Variants in ZNFX1 observed in about 807,000 individuals in gnomAD.
ZNFX1 encodes the protein NFX1-type zinc finger-containing protein 1.
A neutral mutation model predicts 179.8 loss-of-function variants in ZNFX1; 78 were observed. The observed-to-expected ratio is 0.43, with a 90% CI of 0.36 to 0.52. ZNFX1 has a LOEUF of 0.52. Ranked by LOEUF, ZNFX1 falls within the 20% of genes least tolerant of loss-of-function variation. The pLI is 0.00. For missense variants in ZNFX1, 1,927 were observed against 2,386.6 expected (o/e 0.81, Z 4.01); for synonymous variants, 848 against 868.5 (o/e 0.98, Z 0.42).
At chr20:49,260,286 T>C (rs1981081756) in intron 7 of ZNFX1, among the ~76,000 whole-genome samples, 177 bp downstream of exon 7, 1 of 87,716 alleles carries the variant, frequency 1.1e-5, no homozygotes, top group African/African-American at 3.4e-5. Context: ...TGAAACTCCA[T>C]CTCAAAAAAA....
chr20:49,276,089 G>C (rs973923804), intron 1 of ZNFX1, among the ~76,000 whole-genome samples: 1 of 152,224 alleles, frequency 6.6e-6, no homozygotes, highest in African/African-American at 2.4e-5. Flanking sequence ...TCACAATTTA[G>C]CTGATTTCAA....
chr20:49,265,886 G>A, intron 4 of ZNFX1, among the ~76,000 whole-genome samples: 1 of 152,220 alleles, frequency 6.6e-6, no homozygotes, highest in Non-Finnish European at 1.5e-5. Context: ...CCAGAGGATG[G>A]CATGGGCCAA....
At position 49,248,774 on chromosome 20, in the gene ZNFX1, C is replaced by T. The variant is rs748854329; in HGVS notation, c.4250G>A (p.Gly1417Asp). ...KCGHSQPVKC[G>D]HVEGLLYGGL... ...ACCATACAGGAGGCCTTCCACATGACCACATTTTACCGGTTGACTGTGCCC... is the reference window on the plus strand; with the variant it reads ...ACCATACAGGAGGCCTTCCACATGATCACATTTTACCGGTTGACTGTGCCC... Residue 1417 changes from glycine to aspartate, a missense_variant, in exon 14 of 14, where the codon GGT (glycine) becomes GAT (aspartate). By Grantham distance (94) the Gly-to-Asp change is moderately conservative. Transcript: ENST00000396105. This position sits in a 1 kb window ranked among gnomAD's most constrained non-coding sequence, Gnocchi z 4.6. The T allele has an allele frequency of 1.2e-6, 2 of 1,614,130 alleles. No individual in the cohort carries two copies. The highest frequency in any genetic ancestry group is 1.7e-6 in the Non-Finnish European group (2 of 1,180,046).
intron 7 of ZNFX1, 41 bp from the exon 8 acceptor site, chr20:49,257,705 T>C: frequency 1.4e-6 from 1 of 732,176 alleles, no homozygotes; most frequent in Non-Finnish European, 2.0e-6. Flanking sequence ...GAAAACTCTT[T>C]TTTTTTTTTT....
intron 3 of ZNFX1, among the ~76,000 whole-genome samples, chr20:49,267,632 C>G (rs1298461387): frequency 6.6e-6 from 1 of 152,066 alleles, no homozygotes; most frequent in Admixed American, 6.6e-5. Context: ...ATTCCCACTT[C>G]TAATAATAGT....
At position 49,248,155 on chromosome 20, in the gene ZNFX1, C is replaced by T. The variant is rs1980729211; in HGVS notation, c.4869G>A (p.Gln1623=). 7 of 1,614,058 alleles carry T rather than the reference C, an allele frequency of 4.3e-6. No individual in the cohort carries two copies. Among genetic ancestry groups the T allele is most frequent in the Admixed American group, 3.3e-5 (2 of 59,980 alleles). Residue 1623 remains glutamine, a synonymous_variant, in exon 14 of 14, where the codon CAG becomes CAA. Transcript: ENST00000396105. This position sits in a 1 kb window ranked among gnomAD's most constrained non-coding sequence, Gnocchi z 4.6. The part of the protein sequence containing the change: ...AIRLKVCPIC[Q]VPIRKNLRYG... ...ACCTCAGGTTTTTGCGGATGGGCAC[C>T]TGGCAGATAGGGCAGACTTTCAATC...
rs747136976 is a variant in ZNFX1 at position 49,249,331 on chromosome 20, G to A, written c.3693C>T (p.Ile1231=). Residue 1231 remains isoleucine (I), a synonymous_variant, in exon 14 of 14, where the codon ATC becomes ATT. Coordinates refer to ENST00000396105, the MANE Select transcript of ZNFX1 (RefSeq NM_021035.3). ...LSRAKKGMYC[I]GNMQMLAKVP... is the part of the protein sequence containing the mutation. ...CCTTGGCCAGCATCTGCATGTTTCC[G>A]ATGCAGTACATTCCCTTCTTGGCTC... is the stretch of plus-strand genomic sequence containing the variant. 7.4e-6 allele frequency: 12 copies of A among 1,614,222 alleles called. No individual in the cohort carries two copies. The highest frequency in any genetic ancestry group is 2.2e-5 in the East Asian group (1 of 44,890).
At chr20:49,267,210 A>G (rs1487837644) in intron 3 of ZNFX1, among the ~76,000 whole-genome samples, 2 of 152,168 alleles carry the variant, frequency 1.3e-5, no homozygotes, top group Non-Finnish European at 2.9e-5. Context: ...AAATTCTTAC[A>G]TTGTGTCAGG....
In ZNFX1 at chr20:49,266,220, G is replaced by A. The variant is rs149506501; in HGVS notation, c.1917C>T (p.Asn639=). Residue 639 remains asparagine (N), a synonymous_variant, in exon 4 of 14, where the codon AAC becomes AAT. Transcript: ENST00000396105. ...GLKIVQALLT[N]ESVWQISLQK... ...GGAGGCTAATTTGCCAAACAGACTC[G>A]TTGGTTAGGAGGGCCTGAACAATTT... The A allele has an allele frequency of 5.0e-5, 81 of 1,613,146 alleles. No homozygotes were observed. In the African/African-American group the frequency reaches 5.6e-4, roughly 11 times the overall value.
rs1000589557 is a variant in ZNFX1 at position 49,248,119 on chromosome 20, G to C, written c.4905C>G (p.Ser1635Arg). The change falls in exon 14 of 14, where the codon AGC becomes AGG. Residue 1635 changes from serine (S) to arginine (R), a missense_variant. By Grantham distance (110) the Ser-to-Arg change is moderately radical. Coordinates refer to ENST00000396105, the MANE Select transcript of ZNFX1 (RefSeq NM_021035.3). The surrounding 1 kb of genome is among the most constrained non-coding windows in gnomAD (Gnocchi z 4.6). ...PIRKNLRYGTSIKQRLEEIEI... is the reference protein window; with the variant it reads ...PIRKNLRYGTRIKQRLEEIEI... ...CAATCTCTTCTAGCCGCTGTTTTATGCTAGTTCCATACCTCAGGTTTTTGC... is the reference window on the plus strand; with the variant it reads ...CAATCTCTTCTAGCCGCTGTTTTATCCTAGTTCCATACCTCAGGTTTTTGC... 61 of 1,614,022 alleles carry C rather than the reference G, an allele frequency of 3.8e-5. 1 individual carries two copies. Among genetic ancestry groups the C allele is most frequent in the Non-Finnish European group, 8.5e-7 (1 of 1,180,058 alleles).
chr20:49,263,951 C>T (rs995950692), intron 5 of ZNFX1, among the ~76,000 whole-genome samples: 1 of 151,728 alleles, frequency 6.6e-6, no homozygotes, highest in African/African-American at 2.4e-5. Context: ...GGGCCGGGCG[C>T]GGTGGCTCAC....
intron 6 of ZNFX1, among the ~76,000 whole-genome samples, chr20:49,262,648 T>C (rs1981142622): frequency 6.6e-6 from 1 of 152,200 alleles, no homozygotes; most frequent in South Asian, 2.1e-4. Context: ...TTTTGGTTTG[T>C]AATCCTGTAA....
chr20:49,261,344 G>A (rs979733846), intron 6 of ZNFX1, among the ~76,000 whole-genome samples: 2 of 152,122 alleles, frequency 1.3e-5, no homozygotes, highest in African/African-American at 4.8e-5. Flanking sequence ...TAAAGAAAAC[G>A]TGGTACATAT....
rs1314532622 is a variant in ZNFX1 at position 49,264,873 on chromosome 20, C to T, written c.2003-9G>A. On this transcript the variant is annotated splice_polypyrimidine_tract_variant and intron_variant, in intron 4 of 13. Transcript: ENST00000396105. ...CTGACAATTGTAGATGCCTGTGGAA[C>T]AAAGTGGAGCATGGCAGGGTTGAGA... 3 of 1,614,040 alleles carry T rather than the reference C, an allele frequency of 1.9e-6. No individual in the cohort carries two copies. The highest frequency in any genetic ancestry group is 2.5e-6 in the Non-Finnish European group (3 of 1,180,036).
At chr20:49,249,810 G>A (rs1481411553) in intron 13 of ZNFX1, 99 bp from the exon 14 acceptor site, 8 of 1,342,826 alleles carry the variant, frequency 6.0e-6, no homozygotes, top group African/African-American at 5.9e-5. Flanking sequence ...CTGCTCCAGA[G>A]AGAGACCTTG....
At position 49,271,368 on chromosome 20, in the gene ZNFX1, G is replaced by T. The variant is rs768884571; in HGVS notation, c.444C>A (p.Phe148Leu). ...PQQAKKLGYK[F>L]LESLLQKDPS... ...GGTCTTTCTGCAGAAGACTTTCTAA[G>T]AACTTGTAGCCCAGTTTCTTCGCCT... The change falls in exon 3 of 14, where the codon TTC becomes TTA. Residue 148 changes from phenylalanine (F) to leucine (L), a missense_variant. Coordinates refer to ENST00000396105, the MANE Select transcript of ZNFX1 (RefSeq NM_021035.3). 1.2e-6 allele frequency: 2 copies of T among 1,614,178 alleles called. No homozygotes were observed. The highest frequency in any genetic ancestry group is 1.7e-5 in the Admixed American group (1 of 60,014).
rs534748101 is a variant in ZNFX1 at position 49,250,609 on chromosome 20, C to T, written c.3313-898G>A. 3.2e-4 allele frequency among the ~76,000 whole-genome samples: 49 copies of T among 152,156 alleles called. 1 individual carries two copies. The South Asian group carries it at 6.2e-3, about 19-fold the overall frequency. ...TGTTGCGTAGGCTGAAGTACAGTGG[C>T]ACGGTCTTGTTGGCTCACCACAACC... On this transcript the variant is annotated intron_variant, in intron 13 of 13. Coordinates refer to ENST00000396105, the MANE Select transcript of ZNFX1 (RefSeq NM_021035.3).
chr20:49,265,905 G>A (rs193270695), intron 4 of ZNFX1, among the ~76,000 whole-genome samples: 21 of 152,318 alleles, frequency 1.4e-4, no homozygotes, highest in East Asian at 5.8e-4. Context: ...AATGGAGGAC[G>A]TAGAGGCTTT....
At chr20:49,265,379 T>A (rs980510774) in intron 4 of ZNFX1, among the ~76,000 whole-genome samples, 1 of 152,228 alleles carries the variant, frequency 6.6e-6, no homozygotes, top group Non-Finnish European at 1.5e-5. Context: ...GTTTCTGATT[T>A]GTTATCATTT....
Sources: gnomAD v4.1 joint callset for allele counts (sites outside exome capture counted in the v4.1 genomes callset) on GRCh38, gnomAD v4.1.1 for gene constraint, Gnocchi (gnomAD v3.1) non-coding constraint, MANE v1.5 for transcripts, NCBI Gene and HGNC (gene_info 2026-07-23, HGNC 2026-07-21) for gene names.